The following CFAP20DC variants were observed in gnomAD, a reference collection of about 807,000 sequenced individuals.
The protein encoded by CFAP20DC is protein CFAP20DC.
CFAP20DC carries 84 observed loss-of-function variants against 101.7 expected under a neutral mutation model. The ratio of observed to expected loss-of-function variants is 0.83; its 90% CI spans 0.69 to 0.99. The LOEUF is 0.99. CFAP20DC is among the 50% of genes least tolerant of loss of function. The pLI is 0.00. For missense variants in CFAP20DC, 1,007 were observed against 970.3 expected, an observed-to-expected ratio of 1.04 and a Z score of -0.50; for synonymous variants, 359 against 351.2, an observed-to-expected ratio of 1.02 and a Z score of -0.25.
chr3:58,978,273 A>C (rs1439039928), intron 4 of CFAP20DC, among the ~76,000 whole-genome samples: 3 of 151,826 alleles, frequency 2.0e-5, no homozygotes, highest in African/African-American at 7.3e-5. Context: ...TGACCTTCAT[A>C]CTTCCCATCT....
At chr3:58,812,008 C>G (rs1294796981) in intron 14 of CFAP20DC, among the ~76,000 whole-genome samples, 1 of 152,074 alleles carries the variant, frequency 6.6e-6, no homozygotes, top group Admixed American at 6.6e-5. Context: ...CAATGAGATA[C>G]CATCTCACAC....
At chr3:58,833,392 G>GA (rs2076529626) in intron 13 of CFAP20DC, among the ~76,000 whole-genome samples, 1 of 151,914 alleles carries the variant, frequency 6.6e-6, no homozygotes, top group Non-Finnish European at 1.5e-5. Context: ...ATATCCCAAT[G>GA]AAAAATGCAA....
At chr3:58,822,356 A>C (rs1430882738) in intron 14 of CFAP20DC, among the ~76,000 whole-genome samples, 3 of 146,142 alleles carry the variant, frequency 2.1e-5, no homozygotes, top group African/African-American at 7.7e-5. Flanking sequence ...CAAACACCGC[A>C]TATTCTCACT....
chr3:58,771,369 T>C (rs1252279708), intron 15 of CFAP20DC, among the ~76,000 whole-genome samples: 1 of 151,802 alleles, frequency 6.6e-6, no homozygotes, highest in Non-Finnish European at 1.5e-5. Context: ...CTGCATATTC[T>C]GCACATGTAA....
At chr3:58,831,929 C>G in intron 13 of CFAP20DC, 40 bp from the exon 14 acceptor site, 1 of 1,565,024 alleles carries the variant, frequency 6.4e-7, no homozygotes, top group Non-Finnish European at 8.8e-7. Context: ...GTCATTTGGC[C>G]TAATTCTACG....
Position 58,841,852 on chromosome 3 carries a change from T to C in CFAP20DC, c.1971+7180A>G, listed in dbSNP as rs541528909. ...TAAGCTCAAACTTTTTCTGGAGCTA[T>C]AAAGTCTGTTATATAAGTCTTTTGT... On this transcript the variant is annotated intron_variant, in intron 13 of 16. Coordinates refer to ENST00000482387, the MANE Select transcript of CFAP20DC (RefSeq NM_001394063.1). 2.0e-5 allele frequency among the ~76,000 whole-genome samples: 3 copies of C among 152,372 alleles called. No homozygotes were observed. In the South Asian group the frequency reaches 6.2e-4, roughly 32 times the overall value.
intron 4 of CFAP20DC, among the ~76,000 whole-genome samples, chr3:58,993,508 G>T (rs953264051): frequency 2.0e-5 from 3 of 151,964 alleles, no homozygotes; most frequent in Non-Finnish European, 4.4e-5. Context: ...ATGGTGGTTT[G>T]CTGCACAGAA....
intron 15 of CFAP20DC, among the ~76,000 whole-genome samples, chr3:58,803,901 A>C (rs2073877064): frequency 6.6e-6 from 1 of 152,232 alleles, no homozygotes; most frequent in Admixed American, 6.5e-5. Flanking sequence ...TAACTGGTGA[A>C]TTATTTCATA....
At chr3:58,749,854 A>T (rs1287710972) in intron 16 of CFAP20DC, among the ~76,000 whole-genome samples, 2 of 152,368 alleles carry the variant, frequency 1.3e-5, no homozygotes, top group East Asian at 3.9e-4. Flanking sequence ...GTTTTCTCAA[A>T]TAAGTTCTGA....
rs1273693636 is a variant in CFAP20DC at position 58,729,428 on chromosome 3, TATA to T, written c.198-11803_198-11801del. ...TATACAGTAAAACAATTGATTTTTATATAATGACTTTTATCCAACAACATTAAC... is the reference window on the plus strand; with the variant it reads ...TATACAGTAAAACAATTGATTTTTATATGACTTTTATCCAACAACATTAAC... On this transcript the variant is annotated intron_variant, in intron 3 of 3. Transcript: ENST00000486145. The surrounding 1 kb of genome is among the most constrained non-coding windows in gnomAD (Gnocchi z 4.4). Among the ~76,000 whole-genome samples, 6 of 152,220 alleles carry T rather than the reference TATA, an allele frequency of 3.9e-5. No individual in the cohort carries two copies. Among genetic ancestry groups the T allele is most frequent in the Admixed American group, 1.3e-4 (2 of 15,282 alleles).
chr3:58,988,375 G>A (rs542194322), intron 4 of CFAP20DC, among the ~76,000 whole-genome samples: 6 of 152,156 alleles, frequency 3.9e-5, no homozygotes, highest in African/African-American at 1.4e-4. Context: ...CCCAAATTTC[G>A]GAAACTTAAC....
intron 5 of CFAP20DC, among the ~76,000 whole-genome samples, chr3:58,917,709 G>C (rs1409933987): frequency 6.6e-6 from 1 of 152,066 alleles, no homozygotes; most frequent in Admixed American, 6.6e-5. Flanking sequence ...TTACTATATT[G>C]TGTTTAATAA....
At chr3:59,039,137 A>T (rs1406436689) in intron 4 of CFAP20DC, among the ~76,000 whole-genome samples, 1 of 152,144 alleles carries the variant, frequency 6.6e-6, no homozygotes, top group Non-Finnish European at 1.5e-5. Context: ...AATAGGAAGG[A>T]GTAATACTTC....
intron 6 of CFAP20DC, among the ~76,000 whole-genome samples, chr3:58,896,099 A>G (rs116764767): frequency 0.033 from 5,072 of 152,130 alleles, 300 homozygotes; most frequent in African/African-American, 0.12. Flanking sequence ...CAGTGACTCA[A>G]TTTCTTCCTG....
chr3:58,739,893 G>C (rs983138993), downstream of CFAP20DC, among the ~76,000 whole-genome samples: 6 of 152,134 alleles, frequency 3.9e-5, no homozygotes, highest in Non-Finnish European at 8.8e-5. Context: ...CAGAAATGAA[G>C]CTATAAAAAG....
At chr3:58,902,688 T>C (rs1311075864) in intron 6 of CFAP20DC, among the ~76,000 whole-genome samples, 2 of 152,194 alleles carry the variant, frequency 1.3e-5, no homozygotes, top group African/African-American at 4.8e-5. Flanking sequence ...CACAAGGGAT[T>C]GGTTCCTAGG....
At chr3:58,760,541 G>A (rs543228630) in intron 15 of CFAP20DC, among the ~76,000 whole-genome samples, 3 of 152,024 alleles carry the variant, frequency 2.0e-5, no homozygotes, top group African/African-American at 7.2e-5. Context: ...TCTCCTGCCT[G>A]ATTGCCCTGG....
At chr3:58,982,361 G>A (rs2092587360) in intron 4 of CFAP20DC, among the ~76,000 whole-genome samples, 1 of 152,158 alleles carries the variant, frequency 6.6e-6, no homozygotes, top group Non-Finnish European at 1.5e-5. Flanking sequence ...CCATTACTGG[G>A]TATATACCCA....
Position 58,913,975 on chromosome 3 carries a change from G to T in CFAP20DC, c.394-111C>A. ...TTGAGGCAGTTATCCTGATCAACAA[G>T]CCCCAAACTAATTTTCCTCTTTAGG... is the stretch of plus-strand genomic sequence containing the variant. On this transcript the variant is annotated intron_variant, in intron 5 of 16. Coordinates refer to ENST00000482387, the MANE Select transcript of CFAP20DC (RefSeq NM_001394063.1). This position sits in a 1 kb window ranked among gnomAD's most constrained non-coding sequence, Gnocchi z 4.4. The T allele has an allele frequency of 8.9e-7, 1 of 1,128,392 alleles. No homozygotes were observed. Among genetic ancestry groups the T allele is most frequent in the South Asian group, 1.5e-5 (1 of 65,080 alleles). The allele number at this position is 1,128,392 out of a possible 1,614,324, so 69.9% of individuals were successfully genotyped here.
Sources: gnomAD v4.1 joint callset for allele counts (sites outside exome capture counted in the v4.1 genomes callset) on GRCh38, gnomAD v4.1.1 for gene constraint, Gnocchi (gnomAD v3.1) non-coding constraint, MANE v1.5 for transcripts, NCBI Gene and HGNC (gene_info 2026-07-23, HGNC 2026-07-21) for gene names.